Variants in ARL6IP6 observed in about 807,000 individuals in gnomAD.
ARL6IP6 encodes the protein ADP-ribosylation factor-like protein 6-interacting protein 6.
A neutral mutation model predicts 21.5 loss-of-function variants in ARL6IP6; 22 were observed. That is an observed-to-expected ratio of 1.02 (90% CI 0.73 to 1.46). The LOEUF (loss-of-function observed/expected upper bound fraction) is 1.46, where lower values mean the gene tolerates loss of function less well. Among genes scored for constraint, ARL6IP6 ranks in the 40% most tolerant of loss-of-function variants. The probability of loss-of-function intolerance (pLI) is 0.00; values close to 1 mark genes in which losing one functional copy is unlikely to be tolerated. For synonymous variants in ARL6IP6, 164 were observed against 125.3 expected (o/e 1.31, Z -2.06); for missense variants, 388 against 299.8 (o/e 1.29, Z -2.17).
chr2:152,737,768 A>G (rs1211172082), intron 3 of ARL6IP6, among the ~76,000 whole-genome samples: 1 of 152,126 alleles, frequency 6.6e-6, no homozygotes, highest in Non-Finnish European at 1.5e-5. Context: ...CCCTCCCACA[A>G]CACATGGGAA....
chr2:152,742,299 GGCTTATGCCTGTAATCGCA>G (rs1229131556), intron 3 of ARL6IP6, among the ~76,000 whole-genome samples: 1 of 152,182 alleles, frequency 6.6e-6, no homozygotes, highest in Non-Finnish European at 1.5e-5. Flanking sequence ...TGGGCATGGT[GGCTTATGCCTGTAATCGCA>G]GCACTTTGGG....
At chr2:152,759,253 A>T (rs1216414625) in intron 3 of ARL6IP6, among the ~76,000 whole-genome samples, 1 of 152,224 alleles carries the variant, frequency 6.6e-6, no homozygotes, top group Non-Finnish European at 1.5e-5. Flanking sequence ...TTAGAATGAT[A>T]GCTGAAATAT....
chr2:152,717,714 G>A (rs1699195683), upstream of ARL6IP6: 4 of 1,375,512 alleles, frequency 2.9e-6, no homozygotes, highest in African/African-American at 4.4e-5. Context: ...CCCAGGGGAA[G>A]GGAAGACAAC....
At chr2:152,754,439 G>C (rs75546407) in intron 3 of ARL6IP6, among the ~76,000 whole-genome samples, 8,529 of 152,104 alleles carry the variant, frequency 0.056, 347 homozygotes, top group East Asian at 0.13. Flanking sequence ...TTTCCGTATG[G>C]ATATACCATT....
At chr2:152,719,261 A>G (rs1198601708) in intron 1 of ARL6IP6, among the ~76,000 whole-genome samples, 2 of 152,160 alleles carry the variant, frequency 1.3e-5, no homozygotes, top group African/African-American at 2.4e-5. Context: ...TTAAATGGGT[A>G]CTCTTGAAGA....
intron 3 of ARL6IP6, among the ~76,000 whole-genome samples, chr2:152,746,294 T>C (rs561021194): frequency 6.6e-6 from 1 of 152,288 alleles, no homozygotes; most frequent in Admixed American, 6.5e-5. Flanking sequence ...CCCAAAGTGC[T>C]GGGATTACAG....
chr2:152,753,775 C>T (rs1242261707), intron 3 of ARL6IP6, among the ~76,000 whole-genome samples: 1 of 149,444 alleles, frequency 6.7e-6, no homozygotes, highest in East Asian at 2.0e-4. Context: ...TCTCAGCTCA[C>T]TGCAAGCTCT....
At chr2:152,748,663 A>C (rs769807446) in intron 3 of ARL6IP6, among the ~76,000 whole-genome samples, 7 of 152,374 alleles carry the variant, frequency 4.6e-5, no homozygotes, top group East Asian at 1.9e-4. Flanking sequence ...ATATCTTCTT[A>C]TTCTGGCAAG....
rs557641691 is a variant in ARL6IP6 at position 152,736,692 on chromosome 2, C to T, written c.587+1566C>T. ...CCCTCTGTATCCATGGGCTCCACAT[C>T]CTTGAATTCAGCCAACCATGGATAA... On this transcript the variant is annotated intron_variant, in intron 3 of 3. Coordinates refer to ENST00000326446, the MANE Select transcript of ARL6IP6 (RefSeq NM_152522.7). Among the ~76,000 whole-genome samples, 275 of 152,238 alleles carry T rather than the reference C, an allele frequency of 1.8e-3. 3 individuals carry two copies. The highest frequency in any genetic ancestry group is 5.9e-3 in the African/African-American group (246 of 41,542).
intron 2 of ARL6IP6, among the ~76,000 whole-genome samples, chr2:152,729,055 CAA>C (rs70974883): frequency 1.5e-4 from 18 of 117,200 alleles, no homozygotes; most frequent in African/African-American, 4.7e-4. Context: ...GATTCCTTCT[CAA>C]AAAAAAAAAA....
chr2:152,724,890 C>T (rs558483351), intron 2 of ARL6IP6, among the ~76,000 whole-genome samples: 111 of 101,708 alleles, frequency 1.1e-3, no homozygotes, highest in African/African-American at 3.9e-3. Flanking sequence ...AGTTCCCAAA[C>T]CTGACATAAA....
intron 3 of ARL6IP6, among the ~76,000 whole-genome samples, chr2:152,752,629 C>A (rs1268357509): frequency 6.6e-6 from 1 of 152,196 alleles, no homozygotes; most frequent in East Asian, 1.9e-4. Context: ...TTAAGTACTC[C>A]TTTTGAGGTC....
chr2:152,750,345 G>T (rs1002502145), intron 3 of ARL6IP6, among the ~76,000 whole-genome samples: 1 of 151,910 alleles, frequency 6.6e-6, no homozygotes, highest in African/African-American at 2.4e-5. Flanking sequence ...ATGGTGACAC[G>T]TGTGTTTGTG....
At position 152,759,918 on chromosome 2, in the gene ARL6IP6, C is replaced by A; in HGVS notation, c.*78C>A. ...TAACAAGAAGGAGCATCACTGTCTA[C>A]TCAGAAGACTGAGAAACCTGCTGTT... On this transcript the variant is annotated 3_prime_UTR_variant, in exon 4 of 4. Coordinates refer to ENST00000326446, the MANE Select transcript of ARL6IP6 (RefSeq NM_152522.7). 1 of 1,224,720 alleles carries A rather than the reference C, an allele frequency of 8.2e-7. No individual in the cohort carries two copies. Among genetic ancestry groups the A allele is most frequent in the Non-Finnish European group, 1.2e-6 (1 of 834,160 alleles). 75.9% of individuals were successfully genotyped at this position (1,224,720 alleles called of 1,614,324 possible).
intron 1 of ARL6IP6, among the ~76,000 whole-genome samples, chr2:152,719,696 A>T (rs1224807744): frequency 6.6e-6 from 1 of 151,564 alleles, no homozygotes; most frequent in Non-Finnish European, 1.5e-5. Flanking sequence ...GGAAAGAAGC[A>T]GAGTTAAGTT....
chr2:152,731,168 G>T (rs1376668094), intron 2 of ARL6IP6, among the ~76,000 whole-genome samples: 1 of 152,116 alleles, frequency 6.6e-6, no homozygotes, highest in African/African-American at 2.4e-5. Context: ...TAGAAAAACA[G>T]GCTATTTCTT....
At chr2:152,740,465 T>G (rs1700754471) in intron 3 of ARL6IP6, among the ~76,000 whole-genome samples, 1 of 151,700 alleles carries the variant, frequency 6.6e-6, no homozygotes, top group Admixed American at 6.6e-5. Flanking sequence ...TATTAATAAA[T>G]CTAAAAATGG....
chr2:152,722,904 A>G (rs1325037743), intron 2 of ARL6IP6, among the ~76,000 whole-genome samples: 1 of 152,184 alleles, frequency 6.6e-6, no homozygotes, highest in Admixed American at 6.5e-5. Context: ...CAAGACTCCA[A>G]CTCAAAACAA....
At chr2:152,749,988 T>C (rs1701245868) in intron 3 of ARL6IP6, among the ~76,000 whole-genome samples, 1 of 152,186 alleles carries the variant, frequency 6.6e-6, no homozygotes, top group Non-Finnish European at 1.5e-5. Flanking sequence ...TTAAATTATA[T>C]CCATTAATTT....
Sources: allele counts gnomAD v4.1 joint callset (sites outside exome capture counted in the v4.1 genomes callset), GRCh38; gene constraint gnomAD v4.1.1; transcripts MANE v1.5; gene names NCBI Gene and HGNC (gene_info 2026-07-23, HGNC 2026-07-21).